Variants in MAP3K8 observed in about 807,000 individuals in gnomAD.
The protein encoded by MAP3K8 is Ewing sarcoma transformant.
In MAP3K8, 22 loss-of-function variants were observed where a neutral mutation model predicts 45.8. That is an observed-to-expected ratio of 0.48 (90% confidence interval 0.34 to 0.69). The LOEUF is 0.69. Among genes scored for constraint, MAP3K8 ranks in the 30% least tolerant of loss-of-function variants. The pLI is 0.01. For missense variants in MAP3K8, 419 were observed against 585.0 expected (o/e 0.72, Z 2.93); for synonymous variants, 223 against 214.3 (o/e 1.04, Z -0.36).
At chr10:30,436,783 C>T (rs1835924087) in intron 1 of MAP3K8, among the ~76,000 whole-genome samples, 1 of 146,668 alleles carries the variant, frequency 6.8e-6, no homozygotes, top group Admixed American at 6.9e-5. Flanking sequence ...CTCTTTCTTT[C>T]TTGAGTCATG....
chr10:30,448,027 C>T, intron 4 of MAP3K8, 78 bp downstream of exon 4: 1 of 1,338,652 alleles, frequency 7.5e-7, no homozygotes. Flanking sequence ...TTTGCATTAA[C>T]CAAAGGTTTT....
intron 3 of MAP3K8, among the ~76,000 whole-genome samples, chr10:30,445,931 C>A (rs1836313316): frequency 6.6e-6 from 1 of 152,204 alleles, no homozygotes; most frequent in South Asian, 2.1e-4. Flanking sequence ...GTTACTAGAA[C>A]TATTTCTGTA....
At chr10:30,439,544 T>C (rs1836028343) in intron 3 of MAP3K8, 5 of 679,520 alleles carry the variant, frequency 7.4e-6, no homozygotes, top group Non-Finnish European at 1.2e-5. Flanking sequence ...GTGCAGGGGC[T>C]CACGCCTGTA....
At chr10:30,443,134 G>C (rs1836172082) in intron 3 of MAP3K8, among the ~76,000 whole-genome samples, 1 of 152,184 alleles carries the variant, frequency 6.6e-6, no homozygotes, top group African/African-American at 2.4e-5. Flanking sequence ...CAGTGGTGAA[G>C]ACGATGGGTC....
intron 3 of MAP3K8, among the ~76,000 whole-genome samples, 196 bp from the exon 4 acceptor site, chr10:30,447,586 C>G (rs1032686840): frequency 1.3e-5 from 2 of 152,186 alleles, no homozygotes; most frequent in African/African-American, 4.8e-5. Context: ...GCACCTGCAT[C>G]TGTTACATGC....
intron 1 of MAP3K8, among the ~76,000 whole-genome samples, chr10:30,435,910 C>A (rs1413040773): frequency 1.3e-5 from 2 of 152,234 alleles, no homozygotes; most frequent in Admixed American, 1.3e-4. Context: ...GAAGCATATG[C>A]TGTTATGCTG....
At chr10:30,439,505 G>C in intron 3 of MAP3K8, 1 of 976,032 alleles carries the variant, frequency 1.0e-6, no homozygotes. Context: ...TCTACAAATA[G>C]GTAATTAAGA....
rs376205657 is a variant in MAP3K8 at position 30,447,847 on chromosome 10, G to A, written c.402G>A (p.Leu134=). The A allele has an allele frequency of 2.4e-5, 39 of 1,613,468 alleles. No individual in the cohort carries two copies. Among genetic ancestry groups the A allele is most frequent in the Non-Finnish European group, 9.3e-6 (11 of 1,179,596 alleles). Residue 134 remains leucine, a synonymous_variant, in exon 4 of 9, where the codon CTG becomes CTA. Coordinates refer to ENST00000263056, the MANE Select transcript of MAP3K8 (RefSeq NM_005204.4). ...DSDVLLIPWK[L]TYRNIGSDFI... The stretch of plus-strand genomic sequence containing the variant: ...ATGTTCTCCTGATCCCCTGGAAGCT[G>A]ACTTACAGGAATATTGGTTCTGATT...
chr10:30,443,072 C>G (rs761299297), intron 3 of MAP3K8, among the ~76,000 whole-genome samples: 1 of 152,060 alleles, frequency 6.6e-6, no homozygotes, highest in Non-Finnish European at 1.5e-5. Flanking sequence ...CATCTCTGAC[C>G]GTTTAGTGCA....
At chr10:30,456,037 G>A (rs1295780748) in intron 6 of MAP3K8, among the ~76,000 whole-genome samples, 1 of 152,208 alleles carries the variant, frequency 6.6e-6, no homozygotes, top group Non-Finnish European at 1.5e-5. Flanking sequence ...CATAGAACCT[G>A]CAGAGCCACC....
chr10:30,449,186 A>G (rs1394798679), intron 4 of MAP3K8, among the ~76,000 whole-genome samples: 1 of 152,142 alleles, frequency 6.6e-6, no homozygotes, highest in Non-Finnish European at 1.5e-5. Context: ...GAGAGTAGCG[A>G]CTGGAAGGGG....
chr10:30,439,313 G>C (rs1304378889), intron 3 of MAP3K8, 39 bp downstream of exon 3: 5 of 1,607,630 alleles, frequency 3.1e-6, no homozygotes, highest in Non-Finnish European at 4.3e-6. Context: ...TATGTGCTCA[G>C]CTTTCCTACT....
At chr10:30,456,044 C>T (rs915608640) in intron 6 of MAP3K8, among the ~76,000 whole-genome samples, 3 of 152,228 alleles carry the variant, frequency 2.0e-5, no homozygotes, top group Admixed American at 2.0e-4. Context: ...CCTGCAGAGC[C>T]ACCTCTGCAC....
intron 3 of MAP3K8, among the ~76,000 whole-genome samples, chr10:30,439,842 C>T (rs1224360743): frequency 6.6e-6 from 1 of 152,150 alleles, no homozygotes; most frequent in African/African-American, 2.4e-5. Flanking sequence ...TTTAATTTAA[C>T]AGTTCACTAA....
At chr10:30,452,662 G>A (rs2132818812) in intron 6 of MAP3K8, among the ~76,000 whole-genome samples, 1 of 151,428 alleles carries the variant, frequency 6.6e-6, no homozygotes, top group Admixed American at 6.6e-5. Flanking sequence ...CATATCCACA[G>A]TTCGGCTTTA....
chr10:30,451,900 C>T (rs1836552985), intron 6 of MAP3K8, among the ~76,000 whole-genome samples, 156 bp downstream of exon 6: 1 of 152,114 alleles, frequency 6.6e-6, no homozygotes, highest in South Asian at 2.1e-4. Flanking sequence ...AGCACTTGCT[C>T]TGTGTCAAGT....
chr10:30,460,991 T>C lies in MAP3K8; in HGVS notation c.*155T>C. On this transcript the variant is annotated 3_prime_UTR_variant, in exon 9 of 9. Transcript: ENST00000263056. ...GTGAATGTGCCTCCAAGCGGCCCTG[T>C]GTGTTTGACATGTGAAGCTATTTGA... 1 of 818,442 alleles carries C rather than the reference T, an allele frequency of 1.2e-6. No homozygotes were observed. Among genetic ancestry groups the C allele is most frequent in the South Asian group, 2.1e-5 (1 of 48,554 alleles). The allele number at this position is 818,442 out of a possible 1,614,324, so 50.7% of individuals were successfully genotyped here.
At chr10:30,458,817 G>A (rs895821091) in intron 7 of MAP3K8, among the ~76,000 whole-genome samples, 13 of 152,196 alleles carry the variant, frequency 8.5e-5, no homozygotes, top group African/African-American at 3.1e-4. Flanking sequence ...GCTCACGCCT[G>A]TAATCTCAGC....
chr10:30,454,179 G>T (rs1398325995), intron 6 of MAP3K8, among the ~76,000 whole-genome samples: 1 of 152,060 alleles, frequency 6.6e-6, no homozygotes. Flanking sequence ...AGTGCCCATA[G>T]GAAATAGAGA....
Sources: gnomAD v4.1 joint callset for allele counts (sites outside exome capture counted in the v4.1 genomes callset) on GRCh38, gnomAD v4.1.1 for gene constraint, MANE v1.5 for transcripts, NCBI Gene and HGNC (gene_info 2026-07-23, HGNC 2026-07-21) for gene names.